Variants in CYS1 observed in about 807,000 individuals in gnomAD.
The protein encoded by CYS1 is cystin-1.
In CYS1, 5 loss-of-function variants were observed where a neutral mutation model predicts 9.6. The ratio of observed to expected loss-of-function variants is 0.52; its 90% CI spans 0.27 to 1.10. The LOEUF is 1.10. Ranked by LOEUF, CYS1 falls within the 50% of genes least tolerant of loss-of-function variation. CYS1 has a pLI of 0.11. For missense variants in CYS1, 221 were observed against 207.9 expected, an observed-to-expected ratio of 1.06 and a Z score of -0.39; for synonymous variants, 88 against 95.7, an observed-to-expected ratio of 0.92 and a Z score of 0.47.
At chr2:10,070,176 C>T (rs1401575103) in intron 1 of CYS1, among the ~76,000 whole-genome samples, 2 of 152,166 alleles carry the variant, frequency 1.3e-5, no homozygotes, top group Non-Finnish European at 2.9e-5. Flanking sequence ...GCGACAACAG[C>T]GTCTTCATGC....
intron 1 of CYS1, among the ~76,000 whole-genome samples, chr2:10,068,528 G>A (rs1382882351): frequency 1.3e-5 from 2 of 152,206 alleles, no homozygotes; most frequent in East Asian, 3.8e-4. Flanking sequence ...ATACTTTCAA[G>A]TATTTTGGAC....
intron 2 of CYS1, among the ~76,000 whole-genome samples, chr2:10,064,453 G>A (rs1273570857): frequency 6.6e-6 from 1 of 152,028 alleles, no homozygotes; most frequent in African/African-American, 2.4e-5. Flanking sequence ...AGAGCTGCGT[G>A]GGCATCATCC....
rs371341072 is a variant in CYS1 at position 10,079,701 on chromosome 2, C to G, written c.318+205G>C. Among the ~76,000 whole-genome samples, 68 of 152,024 alleles carry G rather than the reference C, an allele frequency of 4.5e-4. 1 individual carries two copies. The East Asian group carries it at 9.9e-3, about 22-fold the overall frequency. On this transcript the variant is annotated intron_variant, in intron 1 of 2. Transcript: ENST00000381813. Reference sequence around the variant, plus strand: ...CGGCCGCTCCCAGCGCGATCGCCCCCACGCCTGGACACAGACCCGGAGACG... The same window carrying G: ...CGGCCGCTCCCAGCGCGATCGCCCCGACGCCTGGACACAGACCCGGAGACG...
At chr2:10,062,455 G>A (rs1266536882) in intron 2 of CYS1, among the ~76,000 whole-genome samples, 4 of 151,716 alleles carry the variant, frequency 2.6e-5, no homozygotes, top group African/African-American at 7.3e-5. Flanking sequence ...GTGCAGTGGC[G>A]CACTCTGCGA....
chr2:10,059,565 C>T (rs940713869), intron 2 of CYS1, among the ~76,000 whole-genome samples: 6 of 152,062 alleles, frequency 3.9e-5, no homozygotes, highest in Non-Finnish European at 7.4e-5. Context: ...GGTGGGGTGA[C>T]GGGTGCCTAT....
intron 2 of CYS1, among the ~76,000 whole-genome samples, chr2:10,060,863 G>A (rs954098941): frequency 2.6e-5 from 4 of 152,236 alleles, no homozygotes; most frequent in Non-Finnish European, 4.4e-5. Flanking sequence ...CGCCATCTGC[G>A]GTGTGTCTAC....
chr2:10,058,634 G>A lies in CYS1; in HGVS notation c.*219C>T. ...GCCGGCGGCCCAGGCCCACGCACCT[G>A]TGGGTCTACACAGCTAATCGCCCCC... On this transcript the variant is annotated 3_prime_UTR_variant, in exon 3 of 3. Transcript: ENST00000381813. 2.2e-6 allele frequency: 1 copy of A among 458,360 alleles called. No homozygotes were observed. The highest frequency in any genetic ancestry group is 3.9e-6 in the Non-Finnish European group (1 of 254,982). 28.4% of individuals were successfully genotyped at this position (458,360 alleles called of 1,614,324 possible). A position where few individuals can be genotyped will look rare whatever the true frequency, so the allele number is the denominator to read the frequency against.
In CYS1 at chr2:10,080,126, C is replaced by T. The variant is rs1661924369; in HGVS notation, c.98G>A (p.Gly33Glu). 1.9e-6 allele frequency: 2 copies of T among 1,032,808 alleles called. No homozygotes were observed. Among genetic ancestry groups the T allele is most frequent in the South Asian group, 4.1e-5 (1 of 24,160 alleles). The allele number at this position is 1,032,808 out of a possible 1,614,324, so 64.0% of individuals were successfully genotyped here. ...CGCCACCGGCACCCGCCGGCGGGTC[C>T]CGCCCTCCAGGGCTGCCGCTCCGGG... ...AGPGAAALEGGTRRRVPVAAA... is the reference protein window; with the variant it reads ...AGPGAAALEGETRRRVPVAAA... Residue 33 changes from glycine (G) to glutamate (E), a missense_variant, in exon 1 of 3, where the codon GGG becomes GAG. Physicochemically the swap from Gly to Glu is moderately conservative, Grantham distance 98 (BLOSUM62 -2). Coordinates refer to ENST00000381813, the MANE Select transcript of CYS1 (RefSeq NM_001037160.3). This position sits in a 1 kb window ranked among gnomAD's most constrained non-coding sequence, Gnocchi z 6.4.
chr2:10,078,993 G>C (rs1331926724), intron 1 of CYS1, among the ~76,000 whole-genome samples: 1 of 152,174 alleles, frequency 6.6e-6, no homozygotes, highest in African/African-American at 2.4e-5. Context: ...TATTTGTCCA[G>C]GCAGTGTTAT....
intron 2 of CYS1, among the ~76,000 whole-genome samples, chr2:10,059,695 AAAAAAATAAAT>A (rs1661600730): frequency 6.6e-6 from 1 of 151,518 alleles, no homozygotes; most frequent in Non-Finnish European, 1.5e-5. Flanking sequence ...CTCTGTCTCA[AAAAAAATAAAT>A]AAAAAATAAA....
rs1396914213 is a variant in CYS1, at chr2:10,080,277, C to G, written c.-54G>C. On this transcript the variant is annotated 5_prime_UTR_variant, in exon 1 of 3. Transcript: ENST00000381813. This position sits in a 1 kb window ranked among gnomAD's most constrained non-coding sequence, Gnocchi z 6.4. ...AGGGGGCCCCCATGAGGGGGCGCGG[C>G]CGGGGGCGGGGACGCTAGGGGGTGC... 2.0e-6 allele frequency: 2 copies of G among 997,170 alleles called. No homozygotes were observed. The highest frequency in any genetic ancestry group is 2.4e-6 in the Non-Finnish European group (2 of 834,738). The allele number at this position is 997,170 out of a possible 1,614,324, so 61.8% of individuals were successfully genotyped here.
At position 10,080,203 on chromosome 2, in the gene CYS1, C is replaced by T; in HGVS notation, c.21G>A (p.Arg7=). 1.9e-6 allele frequency: 2 copies of T among 1,063,096 alleles called. No individual in the cohort carries two copies. Among genetic ancestry groups the T allele is most frequent in the Non-Finnish European group, 2.3e-6 (2 of 883,720 alleles). 65.9% of individuals were successfully genotyped at this position (1,063,096 alleles called of 1,614,324 possible). A position where few individuals can be genotyped will look rare whatever the true frequency, so the allele number is the denominator to read the frequency against. Residue 7 remains arginine, a synonymous_variant, in exon 1 of 3, where the codon CGG becomes CGA. Coordinates refer to ENST00000381813, the MANE Select transcript of CYS1 (RefSeq NM_001037160.3). This position sits in a 1 kb window ranked among gnomAD's most constrained non-coding sequence, Gnocchi z 6.4. ...GCCGCCGCCTCAGAGTCCGGCTGCT[C>T]CGGCTGCTGCCGCTGCCCATGGCGC... MGSGSS[R]SSRTLRRRRS...
rs541997469 is a variant in CYS1, at chr2:10,072,347, T to C, written c.319-6391A>G. On this transcript the variant is annotated intron_variant, in intron 1 of 2. Coordinates refer to ENST00000381813, the MANE Select transcript of CYS1 (RefSeq NM_001037160.3). ...ATCCGCCTGCCTCGGCCTCCCAAAG[T>C]GCTGGGATTATAGGCGTGAGCCACC... is the stretch of plus-strand genomic sequence containing the variant. Among the ~76,000 whole-genome samples, 243 of 152,322 alleles carry C rather than the reference T, an allele frequency of 1.6e-3. 2 individuals carry two copies. Among genetic ancestry groups the C allele is most frequent in the African/African-American group, 5.3e-3 (220 of 41,576 alleles).
chr2:10,075,113 CA>C (rs35611243), intron 1 of CYS1, among the ~76,000 whole-genome samples: 56,233 of 146,060 alleles, frequency 0.38, 10,772 homozygotes, highest in Middle Eastern at 0.49. Context: ...GACTCCATCT[CA>C]AAAAAAAAAA....
At chr2:10,071,256 C>G (rs532906314) in intron 1 of CYS1, among the ~76,000 whole-genome samples, 1 of 152,238 alleles carries the variant, frequency 6.6e-6, no homozygotes. Context: ...CGTGAGCCAC[C>G]GTGCCCGGCT....
chr2:10,058,929 T>C lies in CYS1; in HGVS notation c.401A>G (p.Glu134Gly). The C allele has an allele frequency of 6.3e-7, 1 of 1,593,058 alleles. No individual in the cohort carries two copies. The highest frequency in any genetic ancestry group is 8.5e-7 in the Non-Finnish European group (1 of 1,170,220). The change falls in exon 3 of 3, where the codon GAG (glutamate) becomes GGG (glycine). Residue 134 changes from glutamate to glycine, a missense_variant. Coordinates refer to ENST00000381813, the MANE Select transcript of CYS1 (RefSeq NM_001037160.3). ...GTCGTAGGAGATGGCTGCCGGCCTC[T>C]CGGGCTTCTTGCGACCGCTGCCTGG... The part of the protein sequence containing the change: ...EAPGSGRKKP[E>G]RPAAISYDHS...
intron 1 of CYS1, among the ~76,000 whole-genome samples, chr2:10,070,645 A>G (rs1661754810): frequency 6.7e-6 from 1 of 149,590 alleles, no homozygotes; most frequent in Non-Finnish European, 1.5e-5. Flanking sequence ...TGCGCCTGGC[A>G]TATTTATTTA....
At chr2:10,066,565 C>T (rs949509194) in intron 1 of CYS1, among the ~76,000 whole-genome samples, 3 of 152,244 alleles carry the variant, frequency 2.0e-5, no homozygotes, top group Admixed American at 6.5e-5. Flanking sequence ...CTTGTCTACC[C>T]GTGCAGTGCC....
chr2:10,078,890 C>A (rs1363790982), intron 1 of CYS1, among the ~76,000 whole-genome samples: 1 of 152,230 alleles, frequency 6.6e-6, no homozygotes, highest in African/African-American at 2.4e-5. Flanking sequence ...ATTTGCCTCT[C>A]ATTTTCACCT....
Sources: allele counts gnomAD v4.1 joint callset (sites outside exome capture counted in the v4.1 genomes callset), GRCh38; gene constraint gnomAD v4.1.1; non-coding constraint Gnocchi (gnomAD v3.1); transcripts MANE v1.5; gene names NCBI Gene and HGNC (gene_info 2026-07-23, HGNC 2026-07-21).